Variants in PLCB1 observed in about 807,000 individuals in gnomAD.
PLCB1 encodes the protein phospholipase C beta 1, also known as 1-phosphatidylinositol 4,5-bisphosphate phosphodiesterase beta-1.
A neutral mutation model predicts 161.8 loss-of-function variants in PLCB1; 46 were observed. The observed-to-expected ratio is 0.28, with a 90% CI of 0.22 to 0.36. The LOEUF is 0.36. Ranked by LOEUF, PLCB1 falls within the 10% of genes least tolerant of loss-of-function variation. The pLI is 1.00. For synonymous variants in PLCB1, 517 were observed against 503.7 expected, an observed-to-expected ratio of 1.03 and a Z score of -0.35; for missense variants, 1,016 against 1,472.5, an observed-to-expected ratio of 0.69 and a Z score of 5.07.
intron 31 of PLCB1, among the ~76,000 whole-genome samples, chr20:8,803,431 A>T (rs201591896): frequency 7.2e-6 from 1 of 138,362 alleles, no homozygotes; most frequent in Non-Finnish European, 1.5e-5. Flanking sequence ...TGGGCCTTTG[A>T]TTTTTTTTTT....
At chr20:8,346,037 T>C (rs1475245853) in intron 2 of PLCB1, among the ~76,000 whole-genome samples, 1 of 152,190 alleles carries the variant, frequency 6.6e-6, no homozygotes, top group African/African-American at 2.4e-5. Context: ...CGTTAGGTCT[T>C]GGCAAGGTAA....
intron 27 of PLCB1, among the ~76,000 whole-genome samples, chr20:8,779,023 C>T (rs1337664982): frequency 1.3e-5 from 2 of 151,930 alleles, no homozygotes; most frequent in African/African-American, 2.4e-5. Context: ...TTAGACAAAC[C>T]GAAGTGTAAT....
intron 2 of PLCB1, chr20:8,249,430 T>C (rs1047978488): frequency 6.6e-6 from 1 of 151,928 alleles, no homozygotes; most frequent in Non-Finnish European, 1.5e-5. Context: ...TTGTTATCAT[T>C]CTCACATTAT....
chr20:8,209,091 T>G (rs1387441242), intron 2 of PLCB1, among the ~76,000 whole-genome samples: 1 of 152,170 alleles, frequency 6.6e-6, no homozygotes, highest in Non-Finnish European at 1.5e-5. Context: ...AAAGAAAAAC[T>G]GGTTCTATGG....
chr20:8,543,720 G>A (rs1470663919), intron 3 of PLCB1, among the ~76,000 whole-genome samples: 3 of 151,770 alleles, frequency 2.0e-5, no homozygotes, highest in Non-Finnish European at 4.4e-5. Flanking sequence ...TGTGTGTCAT[G>A]GGAGGGACCT....
At chr20:8,681,096 A>ATT (rs1568558159) in intron 9 of PLCB1, among the ~76,000 whole-genome samples, 1,188 of 99,028 alleles carry the variant, frequency 0.012, 47 homozygotes, top group Middle Eastern at 0.019. Context: ...GTATATATAT[A>ATT]TATATATATA....
At chr20:8,633,563 A>T (rs184301968) in intron 4 of PLCB1, among the ~76,000 whole-genome samples, 1 of 152,286 alleles carries the variant, frequency 6.6e-6, no homozygotes, top group East Asian at 1.9e-4. Context: ...TGAATCATGG[A>T]CAGTCCAACA....
At chr20:8,406,190 G>C (rs4816063) in intron 3 of PLCB1, among the ~76,000 whole-genome samples, 21,228 of 152,112 alleles carry the variant, frequency 0.14, 1,885 homozygotes, top group Non-Finnish European at 0.19. Flanking sequence ...AAAATATGTG[G>C]ATAGAGTAAT....
chr20:8,813,902 G>T (rs1984954274), intron 31 of PLCB1, among the ~76,000 whole-genome samples: 1 of 152,076 alleles, frequency 6.6e-6, no homozygotes, highest in African/African-American at 2.4e-5. Flanking sequence ...TTTTCTGGTG[G>T]TATTTCAATT....
chr20:8,701,972 T>C (rs1978389672), intron 11 of PLCB1, among the ~76,000 whole-genome samples: 1 of 152,218 alleles, frequency 6.6e-6, no homozygotes, highest in Non-Finnish European at 1.5e-5. Context: ...CTACACTGCA[T>C]AGTGCAGCAG....
chr20:8,724,320 A>G (rs974740729), intron 15 of PLCB1, among the ~76,000 whole-genome samples: 1 of 152,142 alleles, frequency 6.6e-6, no homozygotes, highest in Non-Finnish European at 1.5e-5. Context: ...GGGCATTCCA[A>G]TGACCTTAGT....
intron 26 of PLCB1, among the ~76,000 whole-genome samples, chr20:8,774,050 G>A (rs765087189): frequency 4.6e-5 from 7 of 152,118 alleles, no homozygotes; most frequent in South Asian, 2.1e-4. Context: ...GCATCTACAC[G>A]TGCTCTCTGT....
chr20:8,426,707 A>G (rs549760608), intron 3 of PLCB1, among the ~76,000 whole-genome samples: 1 of 152,332 alleles, frequency 6.6e-6, no homozygotes, highest in South Asian at 2.1e-4. Context: ...ACAGACTCAC[A>G]AAGTAACCAT....
At chr20:8,224,449 T>G (rs767039409) in intron 2 of PLCB1, among the ~76,000 whole-genome samples, 1 of 152,194 alleles carries the variant, frequency 6.6e-6, no homozygotes, top group Non-Finnish European at 1.5e-5. Context: ...TTCATAGTGA[T>G]CTTGCTGGGT....
chr20:8,399,713 A>T (rs944517169), intron 3 of PLCB1, among the ~76,000 whole-genome samples: 5 of 152,268 alleles, frequency 3.3e-5, no homozygotes, highest in African/African-American at 1.2e-4. Context: ...GTAGGTAGAG[A>T]ATGCCATTTT....
At chr20:8,431,377 T>C (rs554870216) in intron 3 of PLCB1, among the ~76,000 whole-genome samples, 4 of 152,344 alleles carry the variant, frequency 2.6e-5, no homozygotes, top group African/African-American at 9.6e-5. Context: ...CCTTTTTTGC[T>C]TTTTTGAAAA....
intron 25 of PLCB1, among the ~76,000 whole-genome samples, chr20:8,764,306 C>G (rs1982201819): frequency 6.6e-6 from 1 of 152,042 alleles, no homozygotes; most frequent in Non-Finnish European, 1.5e-5. Context: ...ATAAATGTAC[C>G]AGCTTATGAT....
chr20:8,328,547 G>A (rs1985246075), intron 2 of PLCB1, among the ~76,000 whole-genome samples: 1 of 150,978 alleles, frequency 6.6e-6, no homozygotes, highest in Admixed American at 6.6e-5. Flanking sequence ...ATTTCTGTAG[G>A]TGTGTTTTAT....
chr20:8,491,638 T>C (rs1391604779), intron 3 of PLCB1, among the ~76,000 whole-genome samples: 2 of 152,190 alleles, frequency 1.3e-5, no homozygotes, highest in Non-Finnish European at 2.9e-5. Flanking sequence ...GAATACTCAC[T>C]GGGATCCTGT....
Sources: allele counts gnomAD v4.1 joint callset (sites outside exome capture counted in the v4.1 genomes callset), GRCh38; gene constraint gnomAD v4.1.1; transcripts MANE v1.5; gene names NCBI Gene and HGNC (gene_info 2026-07-23, HGNC 2026-07-21).